Variants in VPS33A observed in about 807,000 individuals in gnomAD.
The protein encoded by VPS33A is vacuolar protein sorting-associated protein 33A.
VPS33A carries 32 observed loss-of-function variants against 71.8 expected under a neutral mutation model. The ratio of observed to expected loss-of-function variants is 0.45; its 90% CI spans 0.34 to 0.60. The LOEUF is 0.60. VPS33A is among the 20% of genes least tolerant of loss of function. The probability of loss-of-function intolerance (pLI) is 0.02; values close to 1 mark genes in which losing one functional copy is unlikely to be tolerated. For synonymous variants in VPS33A, 311 were observed against 292.7 expected, an observed-to-expected ratio of 1.06 and a Z score of -0.64; for missense variants, 625 against 748.5, an observed-to-expected ratio of 0.84 and a Z score of 1.92.
chr12:122,263,801 A>C, intron 2 of VPS33A, 102 bp from the exon 3 acceptor site: 2 of 1,348,234 alleles, frequency 1.5e-6, no homozygotes, highest in Non-Finnish European at 2.0e-6. Context: ...GCACATTAAT[A>C]TTTTAATATC....
chr12:122,235,957 T>C (rs1039125194), intron 10 of VPS33A, 34 bp from the exon 11 acceptor site: 3 of 1,574,944 alleles, frequency 1.9e-6, no homozygotes, highest in African/African-American at 1.4e-5. Flanking sequence ...TGATGTCAGA[T>C]CAGGAAAAGG....
At chr12:122,254,270 C>T (rs939955755) in intron 4 of VPS33A, among the ~76,000 whole-genome samples, 2 of 152,114 alleles carry the variant, frequency 1.3e-5, no homozygotes, top group African/African-American at 4.8e-5. Flanking sequence ...ATACGATTAA[C>T]GTCATCTCCA....
At chr12:122,235,425 G>A (rs1351446661) in intron 11 of VPS33A, among the ~76,000 whole-genome samples, 4 of 151,824 alleles carry the variant, frequency 2.6e-5, no homozygotes, top group Non-Finnish European at 1.5e-5. Flanking sequence ...CCACAATGCT[G>A]GGCTAATTTT....
chr12:122,258,103 T>C (rs1454375679), intron 4 of VPS33A, among the ~76,000 whole-genome samples: 1 of 151,838 alleles, frequency 6.6e-6, no homozygotes, highest in Non-Finnish European at 1.5e-5. Context: ...TGTAGAAAAA[T>C]TATAAGCTGG....
rs529715698 is a variant in VPS33A, at chr12:122,230,807, G to T, written c.*1439C>A. 6.6e-6 allele frequency: 1 copy of T among 152,196 alleles called. No homozygotes were observed. The highest frequency in any genetic ancestry group is 2.4e-5 in the African/African-American group (1 of 41,518). 9.4% of individuals were successfully genotyped at this position (152,196 alleles called of 1,614,324 possible). A position where few individuals can be genotyped will look rare whatever the true frequency, so the allele number is the denominator to read the frequency against. ...AGAAGCTAAGATGGAGGAGCAGAGG[G>T]GCAGAGAACACACGGATTTTCAACT... is the stretch of plus-strand genomic sequence containing the variant. On this transcript the variant is annotated 3_prime_UTR_variant, in exon 13 of 13. Transcript: ENST00000267199.
intron 11 of VPS33A, among the ~76,000 whole-genome samples, chr12:122,235,393 T>G (rs1452049880): frequency 6.6e-6 from 1 of 151,726 alleles, no homozygotes; most frequent in East Asian, 1.9e-4. Context: ...GCCCCCCAAG[T>G]AGATGGGATT....
At chr12:122,252,083 C>A (rs1465663818) in intron 4 of VPS33A, among the ~76,000 whole-genome samples, 1 of 151,716 alleles carries the variant, frequency 6.6e-6, no homozygotes, top group Non-Finnish European at 1.5e-5. Context: ...CATAGTGAGA[C>A]CCTGTATCTA....
At chr12:122,263,022 T>C (rs1270037607) in intron 3 of VPS33A, among the ~76,000 whole-genome samples, 1 of 145,158 alleles carries the variant, frequency 6.9e-6, no homozygotes, top group Admixed American at 7.0e-5. Context: ...AGACGGAGTC[T>C]CCCTCTGTTG....
rs1157767622 is a variant in VPS33A at position 122,235,815 on chromosome 12, G to GGATGGATGAAAAC, written c.1410_1411insGTTTTCATCCATC (p.Arg471ValfsTer10). 6.2e-7 allele frequency: 1 copy of GGATGGATGAAAAC among 1,613,356 alleles called. No individual in the cohort carries two copies. Among genetic ancestry groups the GGATGGATGAAAAC allele is most frequent in the East Asian group, 2.2e-5 (1 of 44,828 alleles). Reference sequence around the variant, plus strand: ...TCATTAACATCATCCATCCAGAGGCGTAATGTTTTCCGTATAGTTGGGTAA... The same window carrying GGATGGATGAAAAC: ...TCATTAACATCATCCATCCAGAGGCGGATGGATGAAAACTAATGTTTTCCGTATAGTTGGGTAA... On this transcript the variant is annotated frameshift_variant, in exon 11 of 13. Transcript: ENST00000267199. LOFTEE classifies it high-confidence loss of function.
At chr12:122,257,615 G>A (rs143780030) in intron 4 of VPS33A, among the ~76,000 whole-genome samples, 130 of 151,882 alleles carry the variant, frequency 8.6e-4, no homozygotes, top group African/African-American at 3.1e-3. Context: ...GAAGGTTGCA[G>A]TGAGCTGAGA....
At chr12:122,259,732 A>G (rs937989084) in intron 4 of VPS33A, among the ~76,000 whole-genome samples, 3 of 152,060 alleles carry the variant, frequency 2.0e-5, no homozygotes, top group Non-Finnish European at 4.4e-5. Flanking sequence ...CCCTCAAAAC[A>G]TTACACTAAG....
intron 9 of VPS33A, among the ~76,000 whole-genome samples, 169 bp downstream of exon 9, chr12:122,239,709 C>T (rs1052387597): frequency 6.9e-5 from 8 of 116,272 alleles, no homozygotes; most frequent in South Asian, 2.9e-4. Flanking sequence ...CCAGCCTGGG[C>T]AACAGAGCAA....
At chr12:122,248,060 C>CTGTATGTGTG (rs147581492) in intron 6 of VPS33A, 9,064 of 148,406 alleles carry the variant, frequency 0.061, 290 homozygotes, top group Middle Eastern at 0.1. Flanking sequence ...CCAAATCCAG[C>CTGTATGTGTG]TGTGTGTGTG....
intron 4 of VPS33A, among the ~76,000 whole-genome samples, chr12:122,254,006 T>C (rs1954880054): frequency 6.6e-6 from 1 of 151,936 alleles, no homozygotes. Flanking sequence ...TAAATGCGCA[T>C]TTTTTTAACC....
intron 11 of VPS33A, 121 bp downstream of exon 11, chr12:122,235,665 A>G: frequency 3.7e-6 from 5 of 1,366,976 alleles, no homozygotes; most frequent in Admixed American, 2.4e-5. Flanking sequence ...TTACTTTTTC[A>G]AAAACATTAG....
At chr12:122,235,418 C>CGTGGT (rs1238469916) in intron 11 of VPS33A, among the ~76,000 whole-genome samples, 2 of 152,064 alleles carry the variant, frequency 1.3e-5, no homozygotes, top group Non-Finnish European at 2.9e-5. Flanking sequence ...GCACGCACCA[C>CGTGGT]AATGCTGGGC....
intron 3 of VPS33A, among the ~76,000 whole-genome samples, chr12:122,262,676 T>G (rs765800659): frequency 4.5e-4 from 68 of 152,048 alleles, no homozygotes; most frequent in Non-Finnish European, 9.1e-4. Context: ...AGGTTTATTT[T>G]TTTAAACTAG....
intron 6 of VPS33A, chr12:122,248,892 C>T (rs1342399988): frequency 6.6e-6 from 1 of 152,220 alleles, no homozygotes; most frequent in African/African-American, 2.4e-5. Context: ...TTCTGGCCAA[C>T]TCTTGTGTCA....
intron 4 of VPS33A, among the ~76,000 whole-genome samples, chr12:122,255,541 T>TA (rs1277404974): frequency 3.3e-5 from 5 of 151,764 alleles, no homozygotes; most frequent in Admixed American, 1.3e-4. Context: ...CCGTCTCTAC[T>TA]AAAAATACAA....
Sources: allele counts gnomAD v4.1 joint callset (sites outside exome capture counted in the v4.1 genomes callset), GRCh38; gene constraint gnomAD v4.1.1; transcripts MANE v1.5; gene names NCBI Gene and HGNC (gene_info 2026-07-23, HGNC 2026-07-21).